TMPRSS11E: variants seen among roughly 807,000 people sequenced by gnomAD.
The protein encoded by TMPRSS11E is transmembrane serine protease 11E, also known as transmembrane protease serine 11E.
TMPRSS11E carries 38 observed loss-of-function variants against 48.1 expected under a neutral mutation model. The observed-to-expected ratio is 0.79, with a 90% CI of 0.61 to 1.04. The LOEUF is 1.04. Among genes scored for constraint, TMPRSS11E ranks in the 50% least tolerant of loss-of-function variants. The pLI is 0.00. For synonymous variants in TMPRSS11E, 158 were observed against 171.9 expected, an observed-to-expected ratio of 0.92 and a Z score of 0.63; for missense variants, 530 against 510.8, an observed-to-expected ratio of 1.04 and a Z score of -0.36.
chr4:68,476,187 G>A (rs899868020), intron 6 of TMPRSS11E, 74 bp from the exon 7 acceptor site: 46 of 1,591,830 alleles, frequency 2.9e-5, no homozygotes, highest in Non-Finnish European at 3.7e-5. Flanking sequence ...ATGGGACATA[G>A]TAACACAATT....
At chr4:68,495,028 G>A (rs906364690) in intron 9 of TMPRSS11E, among the ~76,000 whole-genome samples, 1 of 152,064 alleles carries the variant, frequency 6.6e-6, no homozygotes, top group Admixed American at 6.5e-5. Flanking sequence ...CTTTTCTTCT[G>A]AAGTTTATAA....
intron 9 of TMPRSS11E, among the ~76,000 whole-genome samples, chr4:68,482,131 A>G (rs529327106): frequency 1.3e-5 from 2 of 152,220 alleles, no homozygotes; most frequent in East Asian, 3.9e-4. Flanking sequence ...GGGAGGGAGC[A>G]GGTACATCAC....
At chr4:68,480,031 G>C (rs191123246) in intron 9 of TMPRSS11E, among the ~76,000 whole-genome samples, 53 of 152,200 alleles carry the variant, frequency 3.5e-4, no homozygotes, top group African/African-American at 1.2e-3. Context: ...TTTTCCAATA[G>C]ATGAGGTGTC....
intron 5 of TMPRSS11E, among the ~76,000 whole-genome samples, chr4:68,472,357 A>T (rs1729097625): frequency 6.6e-6 from 1 of 152,092 alleles, no homozygotes; most frequent in South Asian, 2.1e-4. Context: ...TTAATTTTCA[A>T]TAATTTGTAT....
At chr4:68,460,974 A>G (rs954219328) in intron 1 of TMPRSS11E, among the ~76,000 whole-genome samples, 7 of 149,028 alleles carry the variant, frequency 4.7e-5, no homozygotes, top group Non-Finnish European at 7.4e-5. Flanking sequence ...TCCGCCTCCC[A>G]GGTTCACGCC....
chr4:68,483,376 C>T (rs1273103723), intron 9 of TMPRSS11E, among the ~76,000 whole-genome samples: 4 of 152,202 alleles, frequency 2.6e-5, no homozygotes, highest in Admixed American at 2.0e-4. Context: ...CTCCCACCAG[C>T]CTCACTTCCA....
At chr4:68,480,117 G>A (rs1244823421) in intron 9 of TMPRSS11E, among the ~76,000 whole-genome samples, 1 of 151,986 alleles carries the variant, frequency 6.6e-6, no homozygotes, top group Non-Finnish European at 1.5e-5. Context: ...ATTTCTTTGG[G>A]CTTATCCTGT....
At chr4:68,462,132 C>G (rs189598477) in intron 2 of TMPRSS11E, among the ~76,000 whole-genome samples, 187 bp downstream of exon 2, 24 of 152,166 alleles carry the variant, frequency 1.6e-4, no homozygotes, top group African/African-American at 5.1e-4. Flanking sequence ...TTTTTTCTAT[C>G]TTTGATGTAG....
intron 9 of TMPRSS11E, among the ~76,000 whole-genome samples, chr4:68,486,182 T>G (rs1729546592): frequency 1.3e-5 from 2 of 152,150 alleles, no homozygotes. Flanking sequence ...CTTGTGCTAG[T>G]TTAGGGGTTC....
chr4:68,490,668 C>A (rs62317884), intron 9 of TMPRSS11E, among the ~76,000 whole-genome samples: 76,767 of 151,354 alleles, frequency 0.51, 21,697 homozygotes, highest in Non-Finnish European at 0.65. Context: ...TTCCCACTAC[C>A]TCTCCTCAGA....
intron 8 of TMPRSS11E, among the ~76,000 whole-genome samples, chr4:68,477,876 A>G (rs961566183): frequency 6.6e-6 from 1 of 152,132 alleles, no homozygotes; most frequent in African/African-American, 2.4e-5. Flanking sequence ...AAAAGCAAAT[A>G]TGTCTCCTAG....
At chr4:68,470,950 C>T (rs1274728735) in intron 4 of TMPRSS11E, among the ~76,000 whole-genome samples, 1 of 151,786 alleles carries the variant, frequency 6.6e-6, no homozygotes, top group Non-Finnish European at 1.5e-5. Context: ...TTCAAAACCA[C>T]AGTTGATTTC....
At chr4:68,461,785 C>T (rs369628386) in intron 1 of TMPRSS11E, 36 bp from the exon 2 acceptor site, 34 of 1,613,382 alleles carry the variant, frequency 2.1e-5, no homozygotes, top group South Asian at 3.3e-5. Context: ...GTGTTGCATG[C>T]TCTGAAATAA....
chr4:68,450,636 A>G (rs1236088229), intron 1 of TMPRSS11E, among the ~76,000 whole-genome samples: 1 of 151,990 alleles, frequency 6.6e-6, no homozygotes, highest in African/African-American at 2.4e-5. Flanking sequence ...ATATGAAATC[A>G]TGCACATTTA....
chr4:68,451,194 A>G (rs181461823), intron 1 of TMPRSS11E, among the ~76,000 whole-genome samples: 2 of 152,004 alleles, frequency 1.3e-5, no homozygotes, highest in Admixed American at 6.6e-5. Context: ...TTATGGCTCT[A>G]TCAGGGTTAG....
At chr4:68,481,184 T>C (rs764774835) in intron 9 of TMPRSS11E, among the ~76,000 whole-genome samples, 1 of 152,240 alleles carries the variant, frequency 6.6e-6, no homozygotes, top group Admixed American at 6.5e-5. Context: ...ATTTACCACA[T>C]TTTCTGTATC....
chr4:68,477,234 A>T, intron 7 of TMPRSS11E, 135 bp from the exon 8 acceptor site: 1 of 874,916 alleles, frequency 1.1e-6, no homozygotes, highest in Non-Finnish European at 1.7e-6. Flanking sequence ...CTTATTATCA[A>T]ATTGGAAAGA....
chr4:68,478,840 T>A lies in TMPRSS11E; in HGVS notation c.968-9T>A, dbSNP rs1350321717. The A allele has an allele frequency of 6.2e-7, 1 of 1,610,514 alleles. No homozygotes were observed. The highest frequency in any genetic ancestry group is 1.1e-5 in the South Asian group (1 of 90,602). On this transcript the variant is annotated splice_polypyrimidine_tract_variant and intron_variant, in intron 8 of 9. Transcript: ENST00000305363. ...TGTCTACAAATACAAAGACTTTTTT[T>A]TCTTTTAGGTTACAGTCAAAATCAT... is the stretch of plus-strand genomic sequence containing the variant.
chr4:68,478,408 T>A (rs911359728), intron 8 of TMPRSS11E, among the ~76,000 whole-genome samples: 3 of 149,724 alleles, frequency 2.0e-5, no homozygotes, highest in African/African-American at 7.4e-5. Flanking sequence ...CCTCCGAAAG[T>A]GCTGGGATTA....
Sources: gnomAD v4.1 joint callset for allele counts (sites outside exome capture counted in the v4.1 genomes callset) on GRCh38, gnomAD v4.1.1 for gene constraint, MANE v1.5 for transcripts, NCBI Gene and HGNC (gene_info 2026-07-23, HGNC 2026-07-21) for gene names.